CNTN1: variants seen among roughly 807,000 people sequenced by gnomAD.
The protein encoded by CNTN1 is contactin 1, also known as contactin-1.
Under a neutral mutation model 126.4 loss-of-function variants are expected in CNTN1, and 38 were observed. The observed-to-expected ratio is 0.30, with a 90% CI of 0.23 to 0.39. The LOEUF is 0.39. CNTN1 is among the 10% of genes least tolerant of loss of function. The probability of loss-of-function intolerance (pLI) is 1.00; values close to 1 mark genes in which losing one functional copy is unlikely to be tolerated. For synonymous variants in CNTN1, 413 were observed against 422.6 expected, an observed-to-expected ratio of 0.98 and a Z score of 0.28; for missense variants, 1,009 against 1,248.4, an observed-to-expected ratio of 0.81 and a Z score of 2.89.
chr12:41,065,734 T>C (rs976910973), intron 23 of CNTN1, among the ~76,000 whole-genome samples: 3 of 152,208 alleles, frequency 2.0e-5, no homozygotes, highest in African/African-American at 7.2e-5. Flanking sequence ...TGGGGCATCA[T>C]TGGTAACAGC....
chr12:40,971,307 T>C, intron 15 of CNTN1: 2 of 767,396 alleles, frequency 2.6e-6, no homozygotes, highest in East Asian at 5.5e-5. Flanking sequence ...TAGGGGAAGA[T>C]ACCTTTCTGT....
At chr12:40,951,833 T>G (rs1946699613) in intron 14 of CNTN1, among the ~76,000 whole-genome samples, 1 of 151,798 alleles carries the variant, frequency 6.6e-6, no homozygotes, top group Non-Finnish European at 1.5e-5. Flanking sequence ...TGCTGATGAG[T>G]TGATGAGTTG....
At chr12:40,992,996 T>A in intron 16 of CNTN1, 124 bp from the exon 17 acceptor site, 1 of 793,896 alleles carries the variant, frequency 1.3e-6, no homozygotes, top group Non-Finnish European at 2.1e-6. Context: ...TTCCTAGTTG[T>A]AGTTTTTACT....
At chr12:40,917,787 A>G (rs10784949) in intron 3 of CNTN1, among the ~76,000 whole-genome samples, 103,760 of 151,994 alleles carry the variant, frequency 0.68, 36,124 homozygotes, top group African/African-American at 0.83. Flanking sequence ...CCTGCTATGA[A>G]GTGTCACTCT....
At chr12:40,756,653 A>C (rs1211603952) in intron 1 of CNTN1, among the ~76,000 whole-genome samples, 1 of 152,122 alleles carries the variant, frequency 6.6e-6, no homozygotes, top group Non-Finnish European at 1.5e-5. Context: ...CGAGCCTAGA[A>C]TGCTTTCCCC....
intron 1 of CNTN1, chr12:40,895,821 G>C (rs969127319): frequency 1.4e-5 from 2 of 147,872 alleles, no homozygotes; most frequent in Non-Finnish European, 3.0e-5. Flanking sequence ...GCAGTGGCGC[G>C]ATCTTGGCTC....
At chr12:40,971,888 A>C (rs1367977519) in intron 15 of CNTN1, 1 of 1,059,662 alleles carries the variant, frequency 9.4e-7, no homozygotes, top group Admixed American at 5.8e-5. Context: ...CATTGAATGT[A>C]CTGTTTGATT....
intron 1 of CNTN1, among the ~76,000 whole-genome samples, chr12:40,809,745 G>T (rs531392924): frequency 3.5e-4 from 53 of 151,974 alleles, no homozygotes; most frequent in Middle Eastern, 3.4e-3. Context: ...GAACCCGGGG[G>T]GCAGAGGTTG....
chr12:40,884,103 T>C (rs972095149), intron 1 of CNTN1, among the ~76,000 whole-genome samples: 22 of 151,780 alleles, frequency 1.4e-4, no homozygotes, highest in African/African-American at 5.1e-4. Context: ...ATTGTTGTTA[T>C]AGGTTTGTTC....
At chr12:40,746,664 G>A (rs1195907663) in intron 1 of CNTN1, among the ~76,000 whole-genome samples, 19 of 152,008 alleles carry the variant, frequency 1.2e-4, no homozygotes, top group Admixed American at 4.6e-4. Flanking sequence ...GGGGTGGACC[G>A]CCTACATGCA....
At position 41,037,663 on chromosome 12, in the gene CNTN1, T is replaced by TACACACACACACAC. The variant is rs55890336; in HGVS notation, c.2980+8470_2980+8483dup. On this transcript the variant is annotated intron_variant, in intron 23 of 23. Transcript: ENST00000551295. ...TGTTTAAAGGGGTTTGTGTGTTTAA[T>TACACACACACACAC]ACACACACACACACACACACACACA... Among the ~76,000 whole-genome samples, 6 of 144,404 alleles carry TACACACACACACAC rather than the reference T, an allele frequency of 4.2e-5. No homozygotes were observed. The Admixed American group carries it at 4.2e-4, about 10-fold the overall frequency. 94.7% of individuals were successfully genotyped at this position (144,404 alleles called of 152,430 possible). A position where few individuals can be genotyped will look rare whatever the true frequency, so the allele number is the denominator to read the frequency against.
chr12:40,942,294 G>A (rs1946287281), intron 12 of CNTN1, among the ~76,000 whole-genome samples: 1 of 152,060 alleles, frequency 6.6e-6, no homozygotes, highest in African/African-American at 2.4e-5. Flanking sequence ...GCAATGCATG[G>A]GAGGGAAAAT....
chr12:40,998,326 G>T (rs1420569220), intron 17 of CNTN1, among the ~76,000 whole-genome samples: 3 of 152,146 alleles, frequency 2.0e-5, no homozygotes, highest in African/African-American at 7.2e-5. Flanking sequence ...ATTCTTTTCT[G>T]CCCATCCAAA....
chr12:40,964,776 T>C (rs2137024646), intron 15 of CNTN1, among the ~76,000 whole-genome samples: 1 of 152,202 alleles, frequency 6.6e-6, no homozygotes, highest in Middle Eastern at 3.4e-3. Flanking sequence ...GTCGAACAAA[T>C]AAATAAGCCA....
intron 17 of CNTN1, among the ~76,000 whole-genome samples, chr12:41,013,268 GGAA>G: frequency 6.6e-6 from 1 of 152,244 alleles, no homozygotes; most frequent in South Asian, 2.1e-4. Flanking sequence ...GAAAGAAAAG[GGAA>G]GATGGAGCCG....
chr12:40,780,228 G>A (rs958618375), intron 1 of CNTN1, among the ~76,000 whole-genome samples: 4 of 151,866 alleles, frequency 2.6e-5, no homozygotes, highest in African/African-American at 9.7e-5. Context: ...GGATGATCAT[G>A]GGAAGCTATG....
At chr12:40,857,918 G>A (rs1259723841) in intron 1 of CNTN1, among the ~76,000 whole-genome samples, 1 of 152,014 alleles carries the variant, frequency 6.6e-6, no homozygotes, top group East Asian at 1.9e-4. Context: ...TTTTAATTCT[G>A]TGTACACATT....
intron 16 of CNTN1, among the ~76,000 whole-genome samples, chr12:40,984,984 G>A (rs1204888953): frequency 6.6e-6 from 1 of 151,866 alleles, no homozygotes; most frequent in Non-Finnish European, 1.5e-5. Context: ...CTTTACCAAT[G>A]CTCATTATTT....
chr12:40,818,844 A>T (rs1332287217), intron 1 of CNTN1, among the ~76,000 whole-genome samples: 1 of 151,738 alleles, frequency 6.6e-6, no homozygotes, highest in Non-Finnish European at 1.5e-5. Context: ...TGACCTTTGG[A>T]TGGGGTTTTT....
Sources: allele counts gnomAD v4.1 joint callset (sites outside exome capture counted in the v4.1 genomes callset), GRCh38; gene constraint gnomAD v4.1.1; transcripts MANE v1.5; gene names NCBI Gene and HGNC (gene_info 2026-07-23, HGNC 2026-07-21).